Variants in SETBP1 observed in about 807,000 individuals in gnomAD.
SETBP1 encodes SET-binding protein.
Under a neutral mutation model 101.0 loss-of-function variants are expected in SETBP1, and 9 were observed. The ratio of observed to expected loss-of-function variants is 0.09; its 90% CI spans 0.05 to 0.16. The LOEUF is 0.16. SETBP1 is among the 10% of genes least tolerant of loss of function. The pLI is 1.00. For missense variants in SETBP1, 1,858 were observed against 2,033.8 expected (o/e 0.91, Z 1.66); for synonymous variants, 818 against 788.5 (o/e 1.04, Z -0.63).
At chr18:44,751,955 C>G (rs2070389051) in intron 2 of SETBP1, among the ~76,000 whole-genome samples, 1 of 152,150 alleles carries the variant, frequency 6.6e-6, no homozygotes, top group Admixed American at 6.5e-5. Context: ...TCTTCCTCGT[C>G]TTATAAAGCC....
intron 2 of SETBP1, among the ~76,000 whole-genome samples, chr18:44,801,070 G>T (rs992675392): frequency 6.6e-6 from 1 of 152,104 alleles, no homozygotes; most frequent in African/African-American, 2.4e-5. Context: ...TCATAGGTGG[G>T]AATTGAACAA....
At chr18:44,735,592 CG>C (rs2069947098) in intron 2 of SETBP1, among the ~76,000 whole-genome samples, 1 of 152,108 alleles carries the variant, frequency 6.6e-6, no homozygotes, top group African/African-American at 2.4e-5. Context: ...ATGGCTTAGG[CG>C]GGGGTACCTA....
At chr18:45,007,415 T>C (rs991810301) in intron 4 of SETBP1, among the ~76,000 whole-genome samples, 2 of 152,112 alleles carry the variant, frequency 1.3e-5, no homozygotes, top group Non-Finnish European at 2.9e-5. Flanking sequence ...CCAGTAATGC[T>C]TAAAGCCTCA....
At chr18:44,948,175 G>T (rs886421553) in intron 3 of SETBP1, among the ~76,000 whole-genome samples, 2 of 152,170 alleles carry the variant, frequency 1.3e-5, no homozygotes, top group African/African-American at 2.4e-5. Context: ...GTTGCAAGAT[G>T]AATTAAAAAA....
intron 5 of SETBP1, among the ~76,000 whole-genome samples, chr18:45,059,346 C>T (rs144438447): frequency 5.3e-5 from 8 of 152,290 alleles, no homozygotes; most frequent in South Asian, 4.2e-4. Flanking sequence ...ATCACACCTA[C>T]GGAAATTAAT....
chr18:44,784,241 T>TTTTAA (rs2071192993), intron 2 of SETBP1, among the ~76,000 whole-genome samples: 2 of 152,266 alleles, frequency 1.3e-5, no homozygotes, highest in Admixed American at 1.3e-4. Context: ...CTTTGTGGAC[T>TTTTAA]GCTTTACATT....
At chr18:44,880,159 T>C (rs1033017426) in intron 3 of SETBP1, among the ~76,000 whole-genome samples, 2 of 152,200 alleles carry the variant, frequency 1.3e-5, no homozygotes, top group Non-Finnish European at 2.9e-5. Context: ...TTTAGGATTT[T>C]ATATGATGAC....
rs190313720 is a variant in SETBP1, at chr18:44,874,617, G to T, written c.540+5334G>T. 7.9e-5 allele frequency among the ~76,000 whole-genome samples: 12 copies of T among 152,330 alleles called. No individual in the cohort carries two copies. In the East Asian group the frequency reaches 2.1e-3, roughly 27 times the overall value. ...GCTTCTCAGTAGCTAGAGAATTTGGGATGCTGTTAACCAAAGTGAGGGCCC... is the reference window on the plus strand; with the variant it reads ...GCTTCTCAGTAGCTAGAGAATTTGGTATGCTGTTAACCAAAGTGAGGGCCC... On this transcript the variant is annotated intron_variant, in intron 3 of 5. Transcript: ENST00000649279.
intron 2 of SETBP1, among the ~76,000 whole-genome samples, chr18:44,819,751 A>T (rs8096355): frequency 6.6e-6 from 1 of 152,162 alleles, no homozygotes; most frequent in African/African-American, 2.4e-5. Flanking sequence ...GGCTTACATG[A>T]TAATCCTGTC....
intron 4 of SETBP1, among the ~76,000 whole-genome samples, chr18:45,008,742 G>A (rs898229638): frequency 1.3e-5 from 2 of 152,202 alleles, no homozygotes; most frequent in Non-Finnish European, 2.9e-5. Context: ...AGGCAAGGCT[G>A]TGACTGCCCT....
intron 2 of SETBP1, among the ~76,000 whole-genome samples, chr18:44,753,975 C>T (rs775677439): frequency 6.6e-6 from 1 of 152,202 alleles, no homozygotes; most frequent in Non-Finnish European, 1.5e-5. Context: ...CATTTGTGGA[C>T]AGCTCAAACT....
intron 2 of SETBP1, among the ~76,000 whole-genome samples, chr18:44,751,953 G>A (rs772035637): frequency 4.6e-5 from 7 of 151,996 alleles, no homozygotes; most frequent in East Asian, 1.9e-4. Flanking sequence ...TCTCTTCCTC[G>A]TCTTATAAAG....
intron 4 of SETBP1, among the ~76,000 whole-genome samples, chr18:44,967,560 A>C (rs1267255399): frequency 2.6e-5 from 4 of 152,174 alleles, no homozygotes; most frequent in Non-Finnish European, 5.9e-5. Flanking sequence ...TTAAGGTCTT[A>C]CGGAGCTGAA....
chr18:44,881,025 CCCTT>C (rs1448270089), intron 3 of SETBP1, among the ~76,000 whole-genome samples: 3 of 152,170 alleles, frequency 2.0e-5, no homozygotes, highest in Non-Finnish European at 2.9e-5. Flanking sequence ...CAAAGCAAAT[CCCTT>C]AACAAAAATT....
intron 2 of SETBP1, among the ~76,000 whole-genome samples, chr18:44,823,110 G>A (rs1373518591): frequency 6.6e-6 from 1 of 152,162 alleles, no homozygotes; most frequent in Non-Finnish European, 1.5e-5. Flanking sequence ...CAGGCTAGGC[G>A]ATAGAGTGAG....
chr18:45,061,117 A>G (rs185485350), intron 5 of SETBP1, among the ~76,000 whole-genome samples: 18 of 152,344 alleles, frequency 1.2e-4, no homozygotes, highest in African/African-American at 4.1e-4. Context: ...ACTACTGACT[A>G]GTTGCCATTG....
At chr18:44,784,543 A>C in intron 2 of SETBP1, among the ~76,000 whole-genome samples, 1 of 152,086 alleles carries the variant, frequency 6.6e-6, no homozygotes, top group East Asian at 1.9e-4. Flanking sequence ...TTTTTCTATC[A>C]CATTGACCTG....
chr18:44,983,998 C>T (rs1402635866), intron 4 of SETBP1, among the ~76,000 whole-genome samples: 1 of 151,750 alleles, frequency 6.6e-6, no homozygotes, highest in African/African-American at 2.4e-5. Flanking sequence ...GTCAGGAGTT[C>T]GAGACCACCC....
intron 2 of SETBP1, among the ~76,000 whole-genome samples, chr18:44,826,840 A>T (rs1472557734): frequency 6.6e-6 from 1 of 152,226 alleles, no homozygotes; most frequent in Non-Finnish European, 1.5e-5. Flanking sequence ...GACCAGCCTC[A>T]GCCTGGCCCT....
Sources: allele counts gnomAD v4.1 joint callset (sites outside exome capture counted in the v4.1 genomes callset), GRCh38; gene constraint gnomAD v4.1.1; transcripts MANE v1.5; gene names NCBI Gene and HGNC (gene_info 2026-07-23, HGNC 2026-07-21).